Variants in HCN1 observed in about 807,000 individuals in gnomAD.
HCN1 encodes the protein potassium/sodium hyperpolarization-activated cyclic nucleotide-gated channel 1.
HCN1 carries 13 observed loss-of-function variants against 78.9 expected under a neutral mutation model. The observed-to-expected ratio is 0.16, with a 90% CI of 0.11 to 0.26. HCN1 has a LOEUF of 0.26. Ranked by LOEUF, HCN1 falls within the 10% of genes least tolerant of loss-of-function variation. The pLI is 1.00. For synonymous variants in HCN1, 552 were observed against 455.5 expected (o/e 1.21, Z -2.70); for missense variants, 810 against 1,154.3 (o/e 0.70, Z 4.32).
chr5:45,578,531 C>T (rs945380740), intron 2 of HCN1, among the ~76,000 whole-genome samples: 2 of 151,960 alleles, frequency 1.3e-5, no homozygotes, highest in African/African-American at 2.4e-5. Context: ...GTGAGGCAAA[C>T]ATCTACAGTG....
At chr5:45,319,216 T>A (rs1746070536) in intron 5 of HCN1, among the ~76,000 whole-genome samples, 2 of 151,962 alleles carry the variant, frequency 1.3e-5, no homozygotes, top group South Asian at 4.1e-4. Context: ...GTACACCATA[T>A]ATTGGAATTT....
chr5:45,477,577 G>C (rs1045375516), intron 2 of HCN1, among the ~76,000 whole-genome samples: 3 of 151,990 alleles, frequency 2.0e-5, no homozygotes, highest in Admixed American at 6.6e-5. Flanking sequence ...ATAAATGAGG[G>C]AAGAAGATAA....
At position 45,387,880 on chromosome 5, in the gene HCN1, G is replaced by A. The variant is rs1047780981; in HGVS notation, c.1230+8612C>T. 1.2e-4 allele frequency among the ~76,000 whole-genome samples: 18 copies of A among 152,156 alleles called. 1 individual carries two copies. The highest frequency in any genetic ancestry group is 5.2e-4 in the Admixed American group (8 of 15,264). ...TTATAAATTAGGCACAGTAAGAGACGCACAATAACTAATAATAAAATAGAA... is the reference window on the plus strand; with the variant it reads ...TTATAAATTAGGCACAGTAAGAGACACACAATAACTAATAATAAAATAGAA... On this transcript the variant is annotated intron_variant, in intron 4 of 7. Coordinates refer to ENST00000303230, the MANE Select transcript of HCN1 (RefSeq NM_021072.4).
At chr5:45,374,047 T>TATATACATA (rs1747518885) in intron 4 of HCN1, among the ~76,000 whole-genome samples, 3 of 95,836 alleles carry the variant, frequency 3.1e-5, no homozygotes, top group African/African-American at 1.3e-4. Context: ...TAATATATAT[T>TATATACATA]ATATATATTA....
chr5:45,593,340 TCACACACACACACA>T (rs538486679), intron 2 of HCN1, among the ~76,000 whole-genome samples: 1 of 125,528 alleles, frequency 8.0e-6, no homozygotes, highest in African/African-American at 3.1e-5. Flanking sequence ...TCTCTCTCTC[TCACACACACACACA>T]CACACACACA....
chr5:45,584,509 G>A (rs1031006069), intron 2 of HCN1, among the ~76,000 whole-genome samples: 2 of 151,372 alleles, frequency 1.3e-5, no homozygotes, highest in Non-Finnish European at 3.0e-5. Flanking sequence ...TCTTTTAATT[G>A]GAGCGTTTAG....
Position 45,311,100 on chromosome 5 carries a change from C to T in HCN1, c.1378-7261G>A, listed in dbSNP as rs554597616. 1.7e-4 allele frequency among the ~76,000 whole-genome samples: 26 copies of T among 152,206 alleles called. 1 individual carries two copies. The highest frequency in any genetic ancestry group is 6.0e-4 in the African/African-American group (25 of 41,536). The stretch of plus-strand genomic sequence containing the variant: ...GTGATGAAATAATCTGTACAACAAA[C>T]CCCCATTATCTCCATGTTCATCTAT... On this transcript the variant is annotated intron_variant, in intron 5 of 7. Transcript: ENST00000303230.
chr5:45,562,009 C>A (rs1743614675), intron 2 of HCN1, among the ~76,000 whole-genome samples: 1 of 152,118 alleles, frequency 6.6e-6, no homozygotes, highest in Non-Finnish European at 1.5e-5. Flanking sequence ...GTGCTCTCTT[C>A]AGCTCTGTGA....
chr5:45,522,602 CTTTT>C (rs79339415), intron 2 of HCN1, among the ~76,000 whole-genome samples: 13 of 141,394 alleles, frequency 9.2e-5, no homozygotes, highest in African/African-American at 3.1e-4. Context: ...AGTCTCTTTT[CTTTT>C]TTTTTTTTTG....
intron 2 of HCN1, among the ~76,000 whole-genome samples, chr5:45,549,559 T>G (rs900515982): frequency 7.2e-5 from 11 of 151,964 alleles, no homozygotes; most frequent in East Asian, 3.9e-4. Flanking sequence ...AGAAAACCTG[T>G]GCAATACCAT....
chr5:45,644,964 A>C, intron 2 of HCN1: 1 of 549,622 alleles, frequency 1.8e-6, no homozygotes. Context: ...ATAAATTGGC[A>C]TAAAACGATC....
intron 2 of HCN1, among the ~76,000 whole-genome samples, chr5:45,541,401 C>T (rs918355808): frequency 5.9e-5 from 9 of 152,146 alleles, no homozygotes; most frequent in East Asian, 1.9e-4. Flanking sequence ...CACCTAGCCC[C>T]GTCCCTGTTT....
At chr5:45,434,769 C>G (rs566691447) in intron 3 of HCN1, among the ~76,000 whole-genome samples, 1 of 152,128 alleles carries the variant, frequency 6.6e-6, no homozygotes, top group Non-Finnish European at 1.5e-5. Context: ...TTTTATAAGT[C>G]TTACAACAAT....
intron 1 of HCN1, among the ~76,000 whole-genome samples, chr5:45,686,734 G>A (rs1739817053): frequency 1.3e-5 from 2 of 152,096 alleles, no homozygotes; most frequent in Non-Finnish European, 2.9e-5. Flanking sequence ...GGAACACCTA[G>A]TAACATTATT....
intron 3 of HCN1, among the ~76,000 whole-genome samples, chr5:45,432,770 A>G (rs1424450925): frequency 6.6e-6 from 1 of 152,088 alleles, no homozygotes; most frequent in African/African-American, 2.4e-5. Flanking sequence ...AGTTCTATTT[A>G]TGTGATGGTG....
At chr5:45,611,607 T>C (rs1460654486) in intron 2 of HCN1, among the ~76,000 whole-genome samples, 9 of 152,078 alleles carry the variant, frequency 5.9e-5, no homozygotes, top group Admixed American at 3.3e-4. Context: ...AATAAATATT[T>C]ATTAGTTTTA....
rs995170625 is a variant in HCN1, at chr5:45,410,172, T to C, written c.1012-13462A>G. Among the ~76,000 whole-genome samples, 9 of 152,008 alleles carry C rather than the reference T, an allele frequency of 5.9e-5. No individual in the cohort carries two copies. In the South Asian group the frequency reaches 1.9e-3, roughly 31 times the overall value. On this transcript the variant is annotated intron_variant, in intron 3 of 7. Coordinates refer to ENST00000303230, the MANE Select transcript of HCN1 (RefSeq NM_021072.4). ...CATGGTGATTATCACAAGAGCCTTG[T>C]GGTAGCAAGAACAGTCTTTATTATC...
intron 2 of HCN1, among the ~76,000 whole-genome samples, chr5:45,634,538 T>G (rs930584824): frequency 2.6e-5 from 4 of 151,954 alleles, no homozygotes; most frequent in African/African-American, 9.7e-5. Flanking sequence ...TCATCTAATA[T>G]TATTCTAAAG....
chr5:45,692,736 A>C (rs1267308568), intron 1 of HCN1, among the ~76,000 whole-genome samples: 1 of 152,162 alleles, frequency 6.6e-6, no homozygotes, highest in Admixed American at 6.5e-5. Flanking sequence ...GCTCTCTGAA[A>C]GTCTCAGTGG....
Sources: allele counts gnomAD v4.1 joint callset (sites outside exome capture counted in the v4.1 genomes callset), GRCh38; gene constraint gnomAD v4.1.1; transcripts MANE v1.5; gene names NCBI Gene and HGNC (gene_info 2026-07-23, HGNC 2026-07-21).